The following CHST11 variants were observed in gnomAD, a reference collection of about 807,000 sequenced individuals.
The protein encoded by CHST11 is C4S-1.
CHST11 carries 9 observed loss-of-function variants against 30.4 expected under a neutral mutation model. The observed-to-expected ratio is 0.30, with a 90% CI of 0.18 to 0.52. The LOEUF is 0.52. Among genes scored for constraint, CHST11 ranks in the 20% least tolerant of loss-of-function variants. The pLI is 0.97. For missense variants in CHST11, 348 were observed against 460.6 expected (o/e 0.76, Z 2.24); for synonymous variants, 152 against 187.8 (o/e 0.81, Z 1.56).
chr12:104,623,899 T>C (rs897932509), intron 2 of CHST11, among the ~76,000 whole-genome samples: 2 of 152,210 alleles, frequency 1.3e-5, no homozygotes, highest in Non-Finnish European at 2.9e-5. Flanking sequence ...TGTCATGTGA[T>C]GTTTCTCTAG....
At chr12:104,692,291 G>C (rs1018812593) in intron 2 of CHST11, among the ~76,000 whole-genome samples, 1 of 152,174 alleles carries the variant, frequency 6.6e-6, no homozygotes, top group Middle Eastern at 3.2e-3. Context: ...CTCTGAAGTC[G>C]GGCATTGTCC....
intron 1 of CHST11, among the ~76,000 whole-genome samples, chr12:104,493,563 A>G (rs1169274879): frequency 6.6e-6 from 1 of 152,160 alleles, no homozygotes; most frequent in African/African-American, 2.4e-5. Flanking sequence ...ATGTGTGTCA[A>G]ATGCCTCAGA....
intron 2 of CHST11, among the ~76,000 whole-genome samples, chr12:104,669,173 C>T (rs2039667887): frequency 6.6e-6 from 1 of 152,138 alleles, no homozygotes; most frequent in Admixed American, 6.5e-5. Flanking sequence ...GTGAATGTTC[C>T]CGGGCAGCCA....
intron 1 of CHST11, 61 bp from the exon 2 acceptor site, chr12:104,601,845 C>G: frequency 7.2e-7 from 1 of 1,395,760 alleles, no homozygotes; most frequent in Non-Finnish European, 1.0e-6. Flanking sequence ...GTGCCTTTTT[C>G]TTTGACAGAC....
At chr12:104,598,928 C>T (rs1472869463) in intron 1 of CHST11, among the ~76,000 whole-genome samples, 1 of 152,178 alleles carries the variant, frequency 6.6e-6, no homozygotes. Context: ...TTGGGCAGCA[C>T]CTGTCAGTCT....
intron 2 of CHST11, among the ~76,000 whole-genome samples, chr12:104,632,815 C>A (rs2039283477): frequency 6.6e-6 from 1 of 152,238 alleles, no homozygotes; most frequent in Admixed American, 6.5e-5. Flanking sequence ...CCGGGAGGAG[C>A]CCACAGACAC....
At chr12:104,544,134 AAAAAAAAGAAAG>A (rs1455733948) in intron 1 of CHST11, among the ~76,000 whole-genome samples, 1 of 22,388 alleles carries the variant, frequency 4.5e-5, no homozygotes, top group African/African-American at 1.1e-4. Flanking sequence ...TTAAAAAAAA[AAAAAAAAGAAAG>A]AAAGAAAGAA....
At chr12:104,713,754 C>A (rs1291529537) in intron 2 of CHST11, among the ~76,000 whole-genome samples, 4 of 152,188 alleles carry the variant, frequency 2.6e-5, no homozygotes, top group African/African-American at 9.6e-5. Flanking sequence ...CCCCATGATG[C>A]TGCAGTTCAG....
intron 1 of CHST11, among the ~76,000 whole-genome samples, chr12:104,490,485 C>T (rs2037734130): frequency 6.6e-6 from 1 of 152,212 alleles, no homozygotes; most frequent in African/African-American, 2.4e-5. Context: ...AAGTTGTAGG[C>T]AATGTGAGTT....
chr12:104,745,345 C>T (rs1037466575), intron 2 of CHST11, among the ~76,000 whole-genome samples: 4 of 152,112 alleles, frequency 2.6e-5, no homozygotes, highest in African/African-American at 9.7e-5. Context: ...GTTACTATAG[C>T]CCTGTAGAAT....
chr12:104,485,612 C>G (rs1449858294), intron 1 of CHST11, among the ~76,000 whole-genome samples: 1 of 152,318 alleles, frequency 6.6e-6, no homozygotes, highest in African/African-American at 2.4e-5. Context: ...CAGAAACAAT[C>G]GGTTTAGACT....
intron 1 of CHST11, among the ~76,000 whole-genome samples, chr12:104,489,836 T>A (rs1253033449): frequency 6.6e-6 from 1 of 152,210 alleles, no homozygotes; most frequent in African/African-American, 2.4e-5. Context: ...TATCACTGGC[T>A]GATTTTGGCA....
intron 1 of CHST11, among the ~76,000 whole-genome samples, chr12:104,524,225 G>A (rs1298368696): frequency 1.3e-5 from 2 of 152,124 alleles, no homozygotes; most frequent in East Asian, 1.9e-4. Flanking sequence ...CAACAGATAG[G>A]GCAGCCTTCC....
At chr12:104,493,443 A>C (rs994793402) in intron 1 of CHST11, among the ~76,000 whole-genome samples, 2 of 152,186 alleles carry the variant, frequency 1.3e-5, no homozygotes, top group Non-Finnish European at 2.9e-5. Flanking sequence ...CAGAGCACCT[A>C]TGAGGTGCCA....
intron 1 of CHST11, among the ~76,000 whole-genome samples, chr12:104,598,308 G>A (rs1242768120): frequency 6.6e-6 from 1 of 152,190 alleles, no homozygotes; most frequent in Non-Finnish European, 1.5e-5. Flanking sequence ...ACCTGAGAGG[G>A]TACAGTGGAG....
chr12:104,524,039 C>CT (rs10594720), intron 1 of CHST11, among the ~76,000 whole-genome samples: 2,775 of 127,988 alleles, frequency 0.022, 93 homozygotes, highest in African/African-American at 0.074. Flanking sequence ...TTCTTTCTTT[C>CT]TTTTTTTTTT....
At chr12:104,692,342 T>C (rs2039903870) in intron 2 of CHST11, among the ~76,000 whole-genome samples, 1 of 152,170 alleles carries the variant, frequency 6.6e-6, no homozygotes, top group African/African-American at 2.4e-5. Context: ...CTTCAAGACA[T>C]TGCATTAGGA....
intron 2 of CHST11, among the ~76,000 whole-genome samples, chr12:104,673,138 T>C (rs1373820253): frequency 6.6e-6 from 1 of 152,198 alleles, no homozygotes; most frequent in African/African-American, 2.4e-5. Flanking sequence ...GTCTTCTTTT[T>C]TGTCTCTTAT....
chr12:104,629,075 C>T (rs1337567248), intron 2 of CHST11, among the ~76,000 whole-genome samples: 5 of 152,304 alleles, frequency 3.3e-5, no homozygotes, highest in Non-Finnish European at 5.9e-5. Context: ...TCATTCTAAA[C>T]GATCTAGAGT....
Sources: gnomAD v4.1 joint callset for allele counts (sites outside exome capture counted in the v4.1 genomes callset) on GRCh38, gnomAD v4.1.1 for gene constraint, MANE v1.5 for transcripts, NCBI Gene and HGNC (gene_info 2026-07-23, HGNC 2026-07-21) for gene names.